Variants in DENND2D observed in about 807,000 individuals in gnomAD.
The protein encoded by DENND2D is DENN domain containing 2D.
DENND2D carries 37 observed loss-of-function variants against 59.8 expected under a neutral mutation model. That is an observed-to-expected ratio of 0.62 (90% CI 0.48 to 0.81). The LOEUF (loss-of-function observed/expected upper bound fraction) is 0.81, where lower values mean the gene tolerates loss of function less well. Among genes scored for constraint, DENND2D ranks in the 40% least tolerant of loss-of-function variants. The pLI, the probability that DENND2D is intolerant of heterozygous loss-of-function variation, is 0.00. For missense variants in DENND2D, 525 were observed against 579.7 expected (o/e 0.91, Z 0.97); for synonymous variants, 219 against 211.3 (o/e 1.04, Z -0.31).
At chr1:111,197,308 C>T in intron 4 of DENND2D, 55 bp from the exon 5 acceptor site, 1 of 1,575,990 alleles carries the variant, frequency 6.3e-7, no homozygotes, top group South Asian at 1.2e-5. Flanking sequence ...AGGGCTTCTC[C>T]CAACTGGGTA....
chr1:111,200,416 C>T lies in DENND2D; in HGVS notation c.44G>A (p.Arg15His), dbSNP rs200815653. ...ACCTGCTCGGAGTTGAAGCAGTCGG[C>T]GTTGGAAGAGCCTGAACACCCGGCC... ...VVGRVFRLFQ[R>H]RLLQLRAGPP... is the part of the protein sequence containing the mutation. The change falls in exon 1 of 12, where the codon CGC becomes CAC. Residue 15 changes from arginine to histidine, a missense_variant. Physicochemically the swap from Arg to His is conservative, Grantham distance 29. Transcript: ENST00000357640. The T allele has an allele frequency of 6.7e-5, 108 of 1,612,326 alleles. No individual in the cohort carries two copies. In the Admixed American group the frequency reaches 8.5e-4, roughly 13 times the overall value.
In DENND2D at chr1:111,199,798, C is replaced by T; in HGVS notation, c.68G>A (p.Gly23Glu). 3.7e-6 allele frequency: 6 copies of T among 1,611,082 alleles called. No individual in the cohort carries two copies. The highest frequency in any genetic ancestry group is 5.1e-6 in the Non-Finnish European group (6 of 1,179,048). ...FQRRLLQLRA[G>E]PPQDNSGEAL... ...TTCCCCTGAATTGTCCTGGGGTGGT[C>T]CTGAAATCAAGCCAGAGCCCATTTA... Residue 23 changes from glycine (G) to glutamate (E), a missense_variant and splice_region_variant, in exon 2 of 12, where the codon GGA (glycine) becomes GAA (glutamate). Coordinates refer to ENST00000357640, the MANE Select transcript of DENND2D (RefSeq NM_024901.5).
upstream of DENND2D, chr1:111,200,695 C>G: frequency 7.7e-7 from 1 of 1,303,656 alleles, no homozygotes; most frequent in Non-Finnish European, 9.9e-7. Flanking sequence ...GAGTCAGCAT[C>G]CTGGCACTGC....
At position 111,194,590 on chromosome 1, in the gene DENND2D, G is replaced by A. The variant is rs759933167; in HGVS notation, c.782C>T (p.Ala261Val). Residue 261 changes from alanine to valine, a missense_variant, in exon 7 of 12, where the codon GCG (alanine) becomes GTG (valine). By Grantham distance (64) the Ala-to-Val change is moderately conservative. Coordinates refer to ENST00000357640, the MANE Select transcript of DENND2D (RefSeq NM_024901.5). ...GGGCTGGGCCCACCTGAGACCTTCCGCCAGGAAGATGATTTTTCTCTCCAG... is the reference window on the plus strand; with the variant it reads ...GGGCTGGGCCCACCTGAGACCTTCCACCAGGAAGATGATTTTTCTCTCCAG... The part of the protein sequence containing the change: ...AVLERKIIFL[A>V]EGLSTLSQCI... 8.1e-6 allele frequency: 13 copies of A among 1,613,880 alleles called. No individual in the cohort carries two copies. Among genetic ancestry groups the A allele is most frequent in the South Asian group, 1.1e-5 (1 of 91,068 alleles).
Position 111,187,299 on chromosome 1 carries a change from T to C in DENND2D, c.*306A>G. The C allele has an allele frequency of 2.9e-6, 1 of 339,184 alleles. No homozygotes were observed. Among genetic ancestry groups the C allele is most frequent in the Non-Finnish European group, 5.5e-6 (1 of 181,240 alleles). The allele number at this position is 339,184 out of a possible 1,614,324, so 21.0% of individuals were successfully genotyped here. ...ATGTTATAATGATGGGAGAGGGCAG[T>C]TGCAGCAGCTTCTAACCAAGTGTCT... On this transcript the variant is annotated 3_prime_UTR_variant, in exon 12 of 12. Coordinates refer to ENST00000357640, the MANE Select transcript of DENND2D (RefSeq NM_024901.5).
Position 111,196,004 on chromosome 1 carries a change from G to C in DENND2D, c.557C>G (p.Pro186Arg). ...TGCCTCTCGGAGGCCCTGCATGAACGGGTAGATGACAGCCATGGAGATCTG... is the reference window on the plus strand; with the variant it reads ...TGCCTCTCGGAGGCCCTGCATGAACCGGTAGATGACAGCCATGGAGATCTG... ...RHQISMAVIYPFMQGLREAAF... is the reference protein window; with the variant it reads ...RHQISMAVIYRFMQGLREAAF... The change falls in exon 6 of 12, where the codon CCG becomes CGG. Residue 186 changes from proline to arginine, a missense_variant. Transcript: ENST00000357640. 1 of 1,613,870 alleles carries C rather than the reference G, an allele frequency of 6.2e-7. No homozygotes were observed. The highest frequency in any genetic ancestry group is 8.5e-7 in the Non-Finnish European group (1 of 1,179,920).
rs777599474 is a variant in DENND2D, at chr1:111,188,353, C to T, written c.1117G>A (p.Glu373Lys). 248 of 1,613,590 alleles carry T rather than the reference C, an allele frequency of 1.5e-4. No homozygotes were observed. The highest frequency in any genetic ancestry group is 1.9e-4 in the Non-Finnish European group (221 of 1,179,960). Residue 373 changes from glutamate to lysine, a missense_variant, in exon 11 of 12, where the codon GAG becomes AAG. Physicochemically the swap from Glu to Lys is moderately conservative, Grantham distance 56. Transcript: ENST00000357640. Reference sequence around the variant, plus strand: ...TGCACAAAGGGGCCTGAAACATGCTCGTTGATTTGTTCTGCAGCTGCAGGA... The same window carrying T: ...TGCACAAAGGGGCCTGAAACATGCTTGTTGATTTGTTCTGCAGCTGCAGGA... The part of the protein sequence containing the change: ...NELKTAEQIN[E>K]HVSGPFVQFF...
chr1:111,196,361 G>A (rs981572734), intron 5 of DENND2D: 4 of 223,646 alleles, frequency 1.8e-5, no homozygotes, highest in Admixed American at 1.5e-4. Flanking sequence ...TCCCTGGGAA[G>A]TCATCCCGGA....
chr1:111,197,106 T>C, intron 5 of DENND2D, 70 bp downstream of exon 5: 2 of 1,525,602 alleles, frequency 1.3e-6, no homozygotes, highest in South Asian at 1.2e-5. Flanking sequence ...AAGAGCTTAG[T>C]TGCACAGGCA....
At chr1:111,196,191 T>TC in intron 5 of DENND2D, 135 bp from the exon 6 acceptor site, 2 of 1,054,204 alleles carry the variant, frequency 1.9e-6, no homozygotes, top group Non-Finnish European at 2.6e-6. Flanking sequence ...TCTAGGGCCC[T>TC]CCACGAACTG....
intron 7 of DENND2D, among the ~76,000 whole-genome samples, chr1:111,193,197 G>T (rs767719338): frequency 6.6e-4 from 101 of 152,208 alleles, no homozygotes; most frequent in Non-Finnish European, 9.8e-4. Flanking sequence ...TCAGTTCTGG[G>T]TTTCAAGCTG....
chr1:111,188,337 G>T lies in DENND2D; in HGVS notation c.1133C>A (p.Pro378His), dbSNP rs1276634690. Reference sequence around the variant, plus strand: ...AATCTTGACAAAGAACTGCACAAAGGGGCCTGAAACATGCTCGTTGATTTG... The same window carrying T: ...AATCTTGACAAAGAACTGCACAAAGTGGCCTGAAACATGCTCGTTGATTTG... Reference protein sequence around the residue: ...AEQINEHVSGPFVQFFVKIVG... With the variant: ...AEQINEHVSGHFVQFFVKIVG... Residue 378 changes from proline to histidine, a missense_variant, in exon 11 of 12, where the codon CCC becomes CAC. Physicochemically the swap from Pro to His is moderately conservative, Grantham distance 77. Coordinates refer to ENST00000357640, the MANE Select transcript of DENND2D (RefSeq NM_024901.5). 3 of 1,613,910 alleles carry T rather than the reference G, an allele frequency of 1.9e-6. No individual in the cohort carries two copies. The Admixed American group carries it at 5.0e-5, about 27-fold the overall frequency.
chr1:111,186,386 A>C lies in DENND2D; in HGVS notation c.*1219T>G, dbSNP rs1414711108. 6.6e-6 allele frequency among the ~76,000 whole-genome samples: 1 copy of C among 152,246 alleles called. No homozygotes were observed. Among genetic ancestry groups the C allele is most frequent in the Non-Finnish European group, 1.5e-5 (1 of 68,034 alleles). On this transcript the variant is annotated 3_prime_UTR_variant, in exon 12 of 12. Transcript: ENST00000357640. ...GGACAGTGGGACATCTGCCACCTGCAGTAGGTCTCTGCACTCCCAAAAGCA... is the reference window on the plus strand; with the variant it reads ...GGACAGTGGGACATCTGCCACCTGCCGTAGGTCTCTGCACTCCCAAAAGCA...
At chr1:111,195,588 G>T in intron 6 of DENND2D, 1 of 306,452 alleles carries the variant, frequency 3.3e-6, no homozygotes, top group East Asian at 1.0e-4. Context: ...AAACAAAGGA[G>T]AGTGGAAGGG....
At chr1:111,193,883 A>G (rs1378233827) in intron 7 of DENND2D, among the ~76,000 whole-genome samples, 1 of 152,252 alleles carries the variant, frequency 6.6e-6, no homozygotes, top group Non-Finnish European at 1.5e-5. Flanking sequence ...GATATACTCA[A>G]CTGTGAACTT....
intron 5 of DENND2D, 22 bp downstream of exon 5, chr1:111,197,154 C>CAAACAGG: frequency 1.7e-6 from 2 of 1,163,168 alleles, no homozygotes; most frequent in Non-Finnish European, 2.3e-6. Context: ...TATGGGCAGG[C>CAAACAGG]CCTGAGGAAT....
In DENND2D at chr1:111,186,972, G is replaced by A. The variant is rs555490124; in HGVS notation, c.*633C>T. On this transcript the variant is annotated 3_prime_UTR_variant, in exon 12 of 12. Coordinates refer to ENST00000357640, the MANE Select transcript of DENND2D (RefSeq NM_024901.5). ...CAAACCAAGGACTTAGATGCCCTGT[G>A]TCCAGTGCTGCTGCTGCTTTTACCA... 4.6e-5 allele frequency among the ~76,000 whole-genome samples: 7 copies of A among 152,222 alleles called. 1 individual carries two copies. Among genetic ancestry groups the A allele is most frequent in the African/African-American group, 1.7e-4 (7 of 41,522 alleles).
At chr1:111,193,002 G>A (rs2101469195) in intron 7 of DENND2D, among the ~76,000 whole-genome samples, 1 of 152,346 alleles carries the variant, frequency 6.6e-6, no homozygotes, top group Admixed American at 6.5e-5. Flanking sequence ...AGACTTTCCA[G>A]TGAAGCATTT....
chr1:111,190,535 G>T (rs1657679226), intron 8 of DENND2D, among the ~76,000 whole-genome samples: 1 of 152,102 alleles, frequency 6.6e-6, no homozygotes, highest in Non-Finnish European at 1.5e-5. Context: ...CTCCTGAAAA[G>T]TCAGGAGATC....
Sources: allele counts gnomAD v4.1 joint callset (sites outside exome capture counted in the v4.1 genomes callset), GRCh38; gene constraint gnomAD v4.1.1; transcripts MANE v1.5; gene names NCBI Gene and HGNC (gene_info 2026-07-23, HGNC 2026-07-21).